The following CPT1A variants were observed in gnomAD, a reference collection of about 807,000 sequenced individuals.
The protein encoded by CPT1A is carnitine palmitoyltransferase 1A.
CPT1A carries 64 observed loss-of-function variants against 100.8 expected under a neutral mutation model. The observed-to-expected ratio is 0.63, with a 90% CI of 0.52 to 0.78. The LOEUF (loss-of-function observed/expected upper bound fraction) is 0.78. Ranked by LOEUF, CPT1A falls within the 30% of genes least tolerant of loss-of-function variation. The probability of loss-of-function intolerance (pLI) is 0.00; values close to 1 mark genes in which losing one functional copy is unlikely to be tolerated. For synonymous variants in CPT1A, 363 were observed against 396.0 expected (o/e 0.92, Z 0.99); for missense variants, 802 against 1,034.1 (o/e 0.78, Z 3.08).
chr11:68,815,362 G>C lies in CPT1A; in HGVS notation c.113C>G (p.Ser38Cys). 1 of 1,614,064 alleles carries C rather than the reference G, an allele frequency of 6.2e-7. No individual in the cohort carries two copies. Among genetic ancestry groups the C allele is most frequent in the Non-Finnish European group, 8.5e-7 (1 of 1,180,008 alleles). The change falls in exon 2 of 19, where the codon TCC becomes TGC. Residue 38 changes from serine (S) to cysteine (C), a missense_variant. Physicochemically the swap from Ser to Cys is moderately radical, Grantham distance 112. Transcript: ENST00000265641. ...LRQIYLSGLH[S>C]WKKKFIRFKN... ...GAATCTGATGAACTTCTTTTTCCAG[G>C]AATGAAGTCCAGAGAGATAGATTTG...
chr11:68,838,581 A>AC (rs1857076828), intron 1 of CPT1A, among the ~76,000 whole-genome samples: 1 of 145,600 alleles, frequency 6.9e-6, no homozygotes, highest in African/African-American at 2.5e-5. Flanking sequence ...TTAAAAAAAA[A>AC]AAAAAAAAAA....
chr11:68,800,719 C>T (rs916238345), intron 5 of CPT1A, among the ~76,000 whole-genome samples: 7 of 151,982 alleles, frequency 4.6e-5, no homozygotes, highest in Non-Finnish European at 8.8e-5. Context: ...TATTTTAATC[C>T]GACAAGTTGT....
intron 2 of CPT1A, among the ~76,000 whole-genome samples, chr11:68,814,983 G>A (rs978509001): frequency 6.6e-6 from 1 of 152,158 alleles, no homozygotes; most frequent in African/African-American, 2.4e-5. Flanking sequence ...CACTGCACCT[G>A]GCCTGGAAAA....
chr11:68,757,096 CTGGA>C lies in CPT1A; in HGVS notation c.*544_*547del, dbSNP rs1249311816. The C allele has an allele frequency of 5.9e-6, 1 of 169,688 alleles. No individual in the cohort carries two copies. Among genetic ancestry groups the C allele is most frequent in the Non-Finnish European group, 1.3e-5 (1 of 79,368 alleles). The allele number at this position is 169,688 out of a possible 1,614,324, so 10.5% of individuals were successfully genotyped here. ...AATGTGGAGAGGCAAACACAGGCTA[CTGGA>C]CCAGACGGGAACGGTTACCCACGGT... On this transcript the variant is annotated 3_prime_UTR_variant, in exon 19 of 19. Transcript: ENST00000265641.
In CPT1A at chr11:68,796,423, G is replaced by A. The variant is rs1005379109; in HGVS notation, c.771+433C>T. Among the ~76,000 whole-genome samples, 3 of 152,172 alleles carry A rather than the reference G, an allele frequency of 2.0e-5. No homozygotes were observed. The South Asian group carries it at 6.2e-4, about 32-fold the overall frequency. ...ATACAAAAATTAGCTGGGCGTGGTGGTGGGCACCTGTAATCCCAGCTACTT... is the reference window on the plus strand; with the variant it reads ...ATACAAAAATTAGCTGGGCGTGGTGATGGGCACCTGTAATCCCAGCTACTT... On this transcript the variant is annotated intron_variant, in intron 7 of 18. Transcript: ENST00000265641.
intron 12 of CPT1A, among the ~76,000 whole-genome samples, chr11:68,776,826 C>A (rs1385567773): frequency 6.6e-6 from 1 of 152,164 alleles, no homozygotes; most frequent in Non-Finnish European, 1.5e-5. Context: ...CTAAAAACCA[C>A]TGAATTGTAC....
intron 12 of CPT1A, among the ~76,000 whole-genome samples, chr11:68,779,076 G>T (rs557113247): frequency 6.6e-6 from 1 of 152,032 alleles, no homozygotes; most frequent in East Asian, 1.9e-4. Context: ...GAGCCACCGC[G>T]CCTGGCCACT....
chr11:68,780,581 G>A, intron 12 of CPT1A, 59 bp downstream of exon 12: 3 of 1,475,910 alleles, frequency 2.0e-6, no homozygotes, highest in Non-Finnish European at 2.8e-6. Context: ...ACTGCGCCTG[G>A]CCAGGTTTGG....
At chr11:68,761,314 C>T (rs999293978) in intron 16 of CPT1A, among the ~76,000 whole-genome samples, 2 of 150,802 alleles carry the variant, frequency 1.3e-5, no homozygotes, top group African/African-American at 4.9e-5. Flanking sequence ...TCGAGGTCTT[C>T]GGGTCTATTA....
chr11:68,814,463 C>A (rs958442201), intron 2 of CPT1A, among the ~76,000 whole-genome samples: 2 of 151,436 alleles, frequency 1.3e-5, no homozygotes, highest in Non-Finnish European at 2.9e-5. Context: ...CCCGCCACCA[C>A]GCCCGGCTAA....
chr11:68,785,981 C>G (rs1250650095), intron 9 of CPT1A: 2 of 701,456 alleles, frequency 2.9e-6, no homozygotes, highest in Non-Finnish European at 5.2e-6. Flanking sequence ...TTATCAAGTC[C>G]TCTTAAGCAC....
intron 18 of CPT1A, 152 bp downstream of exon 18, chr11:68,759,417 T>A (rs1047227675): frequency 7.9e-6 from 5 of 632,714 alleles, no homozygotes; most frequent in African/African-American, 1.9e-5. Context: ...AATTTTTTTT[T>A]AAAAGCAGTC....
intron 10 of CPT1A, among the ~76,000 whole-genome samples, chr11:68,783,745 C>T (rs879856322): frequency 7.9e-5 from 12 of 152,342 alleles, no homozygotes; most frequent in Admixed American, 2.6e-4. Context: ...CAGCATCCAA[C>T]GCTACACAGG....
chr11:68,780,810 C>T, intron 11 of CPT1A, 65 bp from the exon 12 acceptor site: 4 of 1,182,756 alleles, frequency 3.4e-6, no homozygotes, highest in Non-Finnish European at 5.1e-6. Flanking sequence ...AGACATTGCA[C>T]CTCTCTGCTT....
At chr11:68,824,862 G>A (rs1054127030) in intron 1 of CPT1A, among the ~76,000 whole-genome samples, 11 of 136,310 alleles carry the variant, frequency 8.1e-5, no homozygotes, top group Non-Finnish European at 1.4e-4. Flanking sequence ...GCAGTAGCAC[G>A]ATCTAGGCTC....
In CPT1A at chr11:68,785,017, C is replaced by T. The variant is rs751295925; in HGVS notation, c.968-7G>A. On this transcript the variant is annotated splice_polypyrimidine_tract_variant and splice_region_variant and intron_variant, in intron 9 of 18. Coordinates refer to ENST00000265641, the MANE Select transcript of CPT1A (RefSeq NM_001876.4). The stretch of plus-strand genomic sequence containing the variant: ...CTCATGTGCTGGATGGTGTCTGAGC[C>T]GGCCGCAGGTTGGAGACACAAAACC... 2.5e-6 allele frequency: 4 copies of T among 1,613,054 alleles called. No homozygotes were observed. The highest frequency in any genetic ancestry group is 3.3e-5 in the Admixed American group (2 of 59,972).
intron 2 of CPT1A, among the ~76,000 whole-genome samples, chr11:68,813,683 C>A (rs1278245922): frequency 3.1e-5 from 4 of 129,578 alleles, no homozygotes; most frequent in African/African-American, 1.1e-4. Flanking sequence ...AGCAACAGAG[C>A]AAGACCCTGT....
At position 68,755,003 on chromosome 11, in the gene CPT1A, T is replaced by C; in HGVS notation, c.*2641A>G. ...CACCGGTCAGCCCAAGATAACAAATTCAAACCATGGCTGCGTTAAGACAAT... is the reference window on the plus strand; with the variant it reads ...CACCGGTCAGCCCAAGATAACAAATCCAAACCATGGCTGCGTTAAGACAAT... On this transcript the variant is annotated 3_prime_UTR_variant, in exon 19 of 19. Coordinates refer to ENST00000265641, the MANE Select transcript of CPT1A (RefSeq NM_001876.4). 1.6e-6 allele frequency: 1 copy of C among 626,472 alleles called. No individual in the cohort carries two copies. The highest frequency in any genetic ancestry group is 1.9e-5 in the South Asian group (1 of 51,926). The allele number at this position is 626,472 out of a possible 1,614,324, so 38.8% of individuals were successfully genotyped here.
chr11:68,791,276 C>T (rs1855605610), intron 9 of CPT1A, among the ~76,000 whole-genome samples: 1 of 152,210 alleles, frequency 6.6e-6, no homozygotes, highest in African/African-American at 2.4e-5. Context: ...ACACCCTGAC[C>T]CACTTCCCTT....
Sources: gnomAD v4.1 joint callset for allele counts (sites outside exome capture counted in the v4.1 genomes callset) on GRCh38, gnomAD v4.1.1 for gene constraint, MANE v1.5 for transcripts, NCBI Gene and HGNC (gene_info 2026-07-23, HGNC 2026-07-21) for gene names.